Variants in PTPRT observed in about 807,000 individuals in gnomAD.
The protein encoded by PTPRT is receptor-type tyrosine-protein phosphatase T.
Under a neutral mutation model 176.8 loss-of-function variants are expected in PTPRT, and 56 were observed. The observed-to-expected ratio is 0.32, with a 90% CI of 0.26 to 0.40. PTPRT has a LOEUF of 0.40. PTPRT is among the 10% of genes least tolerant of loss of function. The pLI, the probability that PTPRT is intolerant of heterozygous loss-of-function variation, is 1.00. For synonymous variants in PTPRT, 783 were observed against 739.0 expected (o/e 1.06, Z -0.96); for missense variants, 1,540 against 1,908.2 (o/e 0.81, Z 3.60).
In PTPRT at chr20:42,110,224, C is replaced by G. The variant is rs565241150; in HGVS notation, c.3254+109G>C. 1.5e-5 allele frequency: 16 copies of G among 1,045,048 alleles called. No homozygotes were observed. The African/African-American group carries it at 2.6e-4, about 17-fold the overall frequency. 64.7% of individuals were successfully genotyped at this position (1,045,048 alleles called of 1,614,324 possible). A position where few individuals can be genotyped will look rare whatever the true frequency, so the allele number is the denominator to read the frequency against. On this transcript the variant is annotated intron_variant, in intron 23 of 30. Coordinates refer to ENST00000373187, the MANE Select transcript of PTPRT (RefSeq NM_007050.6). ...ACCATGACCAGCTAAGTTTTTGTAT[C>G]TTTCTTTAGTAGAGACGAGGTTTCA...
intron 1 of PTPRT, among the ~76,000 whole-genome samples, chr20:43,135,658 G>T (rs1419350370): frequency 1.3e-5 from 2 of 152,198 alleles, no homozygotes; most frequent in Non-Finnish European, 2.9e-5. Context: ...GGTTGGGAAA[G>T]AAACAGAAAG....
intron 1 of PTPRT, among the ~76,000 whole-genome samples, chr20:42,898,217 CTGT>C (rs1360271037): frequency 6.6e-6 from 1 of 152,084 alleles, no homozygotes; most frequent in Non-Finnish European, 1.5e-5. Flanking sequence ...CTTTTTGTTG[CTGT>C]TGTTAAGAGA....
chr20:42,229,108 A>G (rs1411554709), intron 15 of PTPRT, among the ~76,000 whole-genome samples: 1 of 152,230 alleles, frequency 6.6e-6, no homozygotes, highest in Non-Finnish European at 1.5e-5. Context: ...AAACATTATG[A>G]AAGGGACAAT....
chr20:42,039,201 T>C, the PTPRT span, among the ~76,000 whole-genome samples: 1 of 152,210 alleles, frequency 6.6e-6, no homozygotes, highest in South Asian at 2.1e-4. Flanking sequence ...TTAATTTATT[T>C]TAAAAATGTT....
chr20:42,614,626 C>T (rs185421242), intron 7 of PTPRT, among the ~76,000 whole-genome samples: 2 of 152,256 alleles, frequency 1.3e-5, no homozygotes, highest in East Asian at 3.9e-4. Context: ...ATCTTACCTC[C>T]TACTTCACAG....
intron 11 of PTPRT, among the ~76,000 whole-genome samples, chr20:42,347,660 C>T (rs986483277): frequency 6.6e-6 from 1 of 152,144 alleles, no homozygotes; most frequent in Non-Finnish European, 1.5e-5. Context: ...ATGACATGAT[C>T]CAGTCAGATC....
At chr20:42,090,239 A>AT (rs11481450) in intron 27 of PTPRT, among the ~76,000 whole-genome samples, 34,543 of 151,444 alleles carry the variant, frequency 0.23, 4,389 homozygotes, top group Non-Finnish European at 0.29. Flanking sequence ...TAAATAGATG[A>AT]TTTTTTTCCT....
In PTPRT at chr20:42,082,044, A is replaced by G. The variant is rs1039280288; in HGVS notation, c.4137-27T>C. On this transcript the variant is annotated intron_variant, in intron 29 of 30. Transcript: ENST00000373187. ...TAAACACAGAGCAAAGAGGTGAGCC[A>G]TGTTCCTAGGTCCCTTCCAGGCACC... is the stretch of plus-strand genomic sequence containing the variant. 6 of 1,613,782 alleles carry G rather than the reference A, an allele frequency of 3.7e-6. No homozygotes were observed. In the African/African-American group the frequency reaches 8.0e-5, roughly 22 times the overall value.
At chr20:42,465,750 AGTTTTTTAATGGT>A (rs940082876) in intron 8 of PTPRT, among the ~76,000 whole-genome samples, 1 of 152,212 alleles carries the variant, frequency 6.6e-6, no homozygotes, top group African/African-American at 2.4e-5. Flanking sequence ...GTTTTAATGT[AGTTTTTTAATGGT>A]GTTTTTATTT....
At chr20:42,248,563 A>G in intron 14 of PTPRT, 124 bp downstream of exon 14, 1 of 1,255,960 alleles carries the variant, frequency 8.0e-7, no homozygotes, top group South Asian at 1.5e-5. Flanking sequence ...GTATTTCCGG[A>G]CCTCAATGGT....
At chr20:42,814,391 A>G (rs1383315171) in intron 2 of PTPRT, among the ~76,000 whole-genome samples, 20 of 152,214 alleles carry the variant, frequency 1.3e-4, no homozygotes, top group Admixed American at 1.3e-3. Flanking sequence ...TTGGGATAAT[A>G]ATTATAATAC....
intron 8 of PTPRT, among the ~76,000 whole-genome samples, chr20:42,470,545 A>G (rs1301688589): frequency 6.6e-6 from 1 of 152,098 alleles, no homozygotes; most frequent in African/African-American, 2.4e-5. Flanking sequence ...ACAAGGCAAG[A>G]GGCAGCCTGG....
chr20:42,548,984 C>A (rs1424332786), intron 7 of PTPRT, among the ~76,000 whole-genome samples: 3 of 152,062 alleles, frequency 2.0e-5, no homozygotes, highest in Non-Finnish European at 4.4e-5. Context: ...AGCTGGGGAG[C>A]TCTAGAAACT....
chr20:42,143,109 T>C (rs1167583243), intron 17 of PTPRT, among the ~76,000 whole-genome samples: 2 of 152,154 alleles, frequency 1.3e-5, no homozygotes, highest in Admixed American at 1.3e-4. Flanking sequence ...TACTGGTTAA[T>C]GAACTGGGCA....
rs1229165122 is a variant in PTPRT, at chr20:42,893,538, G to A, written c.89-7606C>T. Among the ~76,000 whole-genome samples, 36 of 151,798 alleles carry A rather than the reference G, an allele frequency of 2.4e-4. 2 individuals are homozygous for A. The South Asian group carries it at 7.6e-3, about 32-fold the overall frequency. On this transcript the variant is annotated intron_variant, in intron 1 of 30. Transcript: ENST00000373187. ...ATATACCCAAAGGACTATAAATCATGCTGCTATAAAGACACATGCACACGT... is the reference window on the plus strand; with the variant it reads ...ATATACCCAAAGGACTATAAATCATACTGCTATAAAGACACATGCACACGT...
At position 42,117,924 on chromosome 20, in the gene PTPRT, T is replaced by A. The variant is rs568516055; in HGVS notation, c.2982+479A>T. 3.2e-4 allele frequency among the ~76,000 whole-genome samples: 48 copies of A among 152,170 alleles called. 2 individuals are homozygous for A. The highest frequency in any genetic ancestry group is 2.4e-3 in the Admixed American group (37 of 15,282). On this transcript the variant is annotated intron_variant, in intron 21 of 30. Transcript: ENST00000373187. ...GTGAGAAAGGGAAAAATGAAAAAAA[T>A]TATTGAGTAGAATCTGTGATCCAGG...
intron 5 of PTPRT, among the ~76,000 whole-genome samples, chr20:42,771,039 C>G (rs1408430312): frequency 1.3e-5 from 2 of 152,222 alleles, no homozygotes; most frequent in African/African-American, 2.4e-5. Context: ...CTTCCCTTAT[C>G]AAGGGATAAG....
intron 13 of PTPRT, among the ~76,000 whole-genome samples, chr20:42,258,390 T>TAAG (rs2146953821): frequency 6.6e-6 from 1 of 152,318 alleles, no homozygotes; most frequent in Non-Finnish European, 1.5e-5. Context: ...CCCTCATCCT[T>TAAG]TTCACTTTTC....
chr20:42,668,336 T>A (rs1377292441), intron 7 of PTPRT, among the ~76,000 whole-genome samples: 1 of 152,062 alleles, frequency 6.6e-6, no homozygotes, highest in African/African-American at 2.4e-5. Context: ...ACAAAACCAA[T>A]AAGCATACAA....
Sources: gnomAD v4.1 joint callset for allele counts (sites outside exome capture counted in the v4.1 genomes callset) on GRCh38, gnomAD v4.1.1 for gene constraint, MANE v1.5 for transcripts, NCBI Gene and HGNC (gene_info 2026-07-23, HGNC 2026-07-21) for gene names.